Variants in GPC3 observed in about 807,000 individuals in gnomAD.
GPC3 encodes glypican 3, also known as glypican-3.
A neutral mutation model predicts 34.4 loss-of-function variants in GPC3; 3 were observed. That is an observed-to-expected ratio of 0.09 (90% CI 0.04 to 0.23). The LOEUF (loss-of-function observed/expected upper bound fraction) is 0.23, where lower values mean the gene tolerates loss of function less well. Ranked by LOEUF, GPC3 falls within the 10% of genes least tolerant of loss-of-function variation. GPC3 has a pLI of 1.00. For synonymous variants in GPC3, 177 were observed against 174.0 expected (o/e 1.02, Z -0.13); for missense variants, 351 against 445.6 (o/e 0.79, Z 1.91).
In GPC3 at chrX:133,637,244, G is replaced by T. The variant is rs543466500; in HGVS notation, c.1413+24486C>A. Among the ~76,000 whole-genome samples the T allele has an allele frequency of 3.6e-5, 4 of 110,531 alleles. No homozygotes were observed. In the South Asian group the frequency reaches 1.2e-3, roughly 33 times the overall value. On this transcript the variant is annotated intron_variant, in intron 6 of 7. Coordinates refer to ENST00000370818, the MANE Select transcript of GPC3 (RefSeq NM_004484.4). ...GAACTTTGGGAGGCTGAGGCAGGCG[G>T]ATCACTTCAGGTCAGGAGTTTGGTA...
chrX:133,714,821 C>T (rs1250090302), intron 3 of GPC3, among the ~76,000 whole-genome samples: 1 of 111,471 alleles, frequency 9.0e-6, no homozygotes, highest in African/African-American at 3.3e-5. Flanking sequence ...GAACAGTGAG[C>T]GTTGTGGCAT....
At chrX:133,627,714 A>C (rs1265474020) in intron 6 of GPC3, among the ~76,000 whole-genome samples, 7 of 112,586 alleles carry the variant, frequency 6.2e-5, no homozygotes, top group Non-Finnish European at 1.3e-4. Context: ...TTAGGACAGC[A>C]TATGCAATGT....
chrX:133,919,128 T>A (rs1171635023), intron 2 of GPC3, among the ~76,000 whole-genome samples: 2 of 111,304 alleles, frequency 1.8e-5, no homozygotes, highest in Non-Finnish European at 3.8e-5. Flanking sequence ...TTCTAGACCC[T>A]TTTGCCTCCA....
intron 3 of GPC3, among the ~76,000 whole-genome samples, chrX:133,735,638 G>C (rs1335403157): frequency 9.0e-6 from 1 of 111,149 alleles, no homozygotes; most frequent in Non-Finnish European, 1.9e-5. Context: ...ACATTATCAG[G>C]AAAGTGAAAA....
intron 3 of GPC3, among the ~76,000 whole-genome samples, chrX:133,732,422 G>A (rs2071470916): frequency 9.0e-6 from 1 of 111,673 alleles, no homozygotes; most frequent in Admixed American, 9.5e-5. Flanking sequence ...GTTCGTCTGG[G>A]CTGCCCCAAA....
At chrX:133,627,190 G>C (rs183596891) in intron 6 of GPC3, among the ~76,000 whole-genome samples, 5,209 of 96,049 alleles carry the variant, frequency 0.054, 488 homozygotes, top group African/African-American at 0.19. Context: ...GGGAGGGATA[G>C]CATTAGGAGA....
chrX:133,843,053 G>A (rs966159949), intron 2 of GPC3, among the ~76,000 whole-genome samples: 3 of 111,834 alleles, frequency 2.7e-5, no homozygotes, highest in East Asian at 5.6e-4. Flanking sequence ...CACAAGGAGA[G>A]GAACTGAGTC....
intron 2 of GPC3, among the ~76,000 whole-genome samples, chrX:133,788,013 A>G (rs1441089110): frequency 9.6e-6 from 1 of 104,011 alleles, no homozygotes; most frequent in Non-Finnish European, 1.9e-5. Context: ...TTAAAGATGA[A>G]TATGCGTGTA....
At chrX:133,621,242 T>C (rs2070228998) in intron 6 of GPC3, among the ~76,000 whole-genome samples, 1 of 111,579 alleles carries the variant, frequency 9.0e-6, no homozygotes, top group Non-Finnish European at 1.9e-5. Context: ...GCATGAGTGA[T>C]GCTGAAGACA....
chrX:133,668,958 T>C (rs2070798632), intron 5 of GPC3, among the ~76,000 whole-genome samples: 1 of 112,117 alleles, frequency 8.9e-6, no homozygotes, highest in Non-Finnish European at 1.9e-5. Flanking sequence ...CTGCTTATAT[T>C]GGTCTACAAG....
At chrX:133,648,952 T>C (rs1388078465) in intron 6 of GPC3, among the ~76,000 whole-genome samples, 1 of 111,995 alleles carries the variant, frequency 8.9e-6, no homozygotes, top group Non-Finnish European at 1.9e-5. Flanking sequence ...GCATAGTACT[T>C]GGTTTATATT....
At chrX:133,607,473 GC>G (rs2070063761) in intron 6 of GPC3, among the ~76,000 whole-genome samples, 1 of 110,368 alleles carries the variant, frequency 9.1e-6, no homozygotes, top group Non-Finnish European at 1.9e-5. Context: ...TCGCTATGTT[GC>G]CCAGGCTGGT....
At chrX:133,785,125 G>A (rs2072088189) in intron 2 of GPC3, among the ~76,000 whole-genome samples, 1 of 111,625 alleles carries the variant, frequency 9.0e-6, no homozygotes, top group African/African-American at 3.3e-5. Context: ...ACTTGTGGAT[G>A]TATATAGCTG....
intron 6 of GPC3, among the ~76,000 whole-genome samples, chrX:133,611,990 G>C (rs962444075): frequency 8.9e-6 from 1 of 112,298 alleles, no homozygotes; most frequent in African/African-American, 3.2e-5. Flanking sequence ...ATCAGAGACA[G>C]AGTGCACAAC....
At chrX:133,819,956 C>T (rs2075711155) in intron 2 of GPC3, among the ~76,000 whole-genome samples, 2 of 111,952 alleles carry the variant, frequency 1.8e-5, no homozygotes, top group Admixed American at 1.9e-4. Context: ...TTACTTCAAT[C>T]ACACTACAGT....
intron 2 of GPC3, among the ~76,000 whole-genome samples, chrX:133,905,871 C>T (rs1390023065): frequency 1.8e-5 from 2 of 111,712 alleles, no homozygotes; most frequent in African/African-American, 3.3e-5. Context: ...AAACAGAAAT[C>T]GTTCTTATTA....
At chrX:133,646,409 T>C (rs1401560589) in intron 6 of GPC3, among the ~76,000 whole-genome samples, 1 of 111,884 alleles carries the variant, frequency 8.9e-6, no homozygotes, top group East Asian at 2.8e-4. Context: ...ATGATTCTCT[T>C]AGGGAAAGCA....
chrX:133,929,478 G>C (rs1391120017), intron 2 of GPC3, among the ~76,000 whole-genome samples: 2 of 111,990 alleles, frequency 1.8e-5, no homozygotes, highest in African/African-American at 6.5e-5. Context: ...AGAGTGACTA[G>C]GTGAAGTAGT....
chrX:133,897,149 G>T (rs1196447364), intron 2 of GPC3, among the ~76,000 whole-genome samples: 2 of 105,717 alleles, frequency 1.9e-5, no homozygotes, highest in Non-Finnish European at 3.9e-5. Flanking sequence ...CTCATGATCC[G>T]CCCACCTTGG....
Sources: gnomAD v4.1 joint callset for allele counts (sites outside exome capture counted in the v4.1 genomes callset) on GRCh38, gnomAD v4.1.1 for gene constraint, MANE v1.5 for transcripts, NCBI Gene and HGNC (gene_info 2026-07-23, HGNC 2026-07-21) for gene names.